The following GOT2 variants were observed in gnomAD, a reference collection of about 807,000 sequenced individuals.
The protein encoded by GOT2 is aspartate aminotransferase, mitochondrial.
GOT2 carries 17 observed loss-of-function variants against 50.0 expected under a neutral mutation model. That is an observed-to-expected ratio of 0.34 (90% CI 0.23 to 0.51). The LOEUF is 0.51. Among genes scored for constraint, GOT2 ranks in the 20% least tolerant of loss-of-function variants. The pLI is 0.97. For synonymous variants in GOT2, 172 were observed against 204.9 expected, an observed-to-expected ratio of 0.84 and a Z score of 1.37; for missense variants, 430 against 559.6, an observed-to-expected ratio of 0.77 and a Z score of 2.34.
At chr16:58,727,149 G>A (rs1475914783) in intron 1 of GOT2, among the ~76,000 whole-genome samples, 1 of 152,162 alleles carries the variant, frequency 6.6e-6, no homozygotes, top group African/African-American at 2.4e-5. Context: ...GCAAGACTCC[G>A]TCTCAATAAA....
At position 58,708,220 on chromosome 16, in the gene GOT2, G is replaced by C. The variant is rs1054302871; in HGVS notation, c.1244C>G (p.Ser415Cys). The C allele has an allele frequency of 2.9e-5, 47 of 1,614,024 alleles. No homozygotes were observed. Among genetic ancestry groups the C allele is most frequent in the Non-Finnish European group, 3.8e-5 (45 of 1,180,016 alleles). ...DGRISVAGVT[S>C]SNVGYLAHAI... ...ATGGGCAAGGTAGCCCACGTTGCTG[G>C]AGGTGACCCCTGCCACAGAGATGCG... The change falls in exon 10 of 10, where the codon TCC becomes TGC. Residue 415 changes from serine to cysteine, a missense_variant. Physicochemically the swap from Ser to Cys is moderately radical, Grantham distance 112. Coordinates refer to ENST00000245206, the MANE Select transcript of GOT2 (RefSeq NM_002080.4).
At chr16:58,716,301 T>C (rs549547844) in intron 7 of GOT2, 122 bp from the exon 8 acceptor site, 3 of 995,266 alleles carry the variant, frequency 3.0e-6, no homozygotes, top group East Asian at 5.2e-5. Context: ...AACTTTATTA[T>C]AAATAAAAAG....
chr16:58,730,293 T>C (rs1309013049), intron 1 of GOT2, among the ~76,000 whole-genome samples: 1 of 152,148 alleles, frequency 6.6e-6, no homozygotes, highest in Non-Finnish European at 1.5e-5. Context: ...GTAATAAGCA[T>C]AGTACCTGAC....
chr16:58,728,715 G>A (rs755020970), intron 1 of GOT2, among the ~76,000 whole-genome samples: 4 of 151,952 alleles, frequency 2.6e-5, no homozygotes, highest in Non-Finnish European at 5.9e-5. Context: ...GAGTCTCACT[G>A]GGTTGCCCAG....
chr16:58,724,335 T>G (rs1166735844), intron 1 of GOT2, among the ~76,000 whole-genome samples: 1 of 151,744 alleles, frequency 6.6e-6, no homozygotes, highest in African/African-American at 2.4e-5. Flanking sequence ...CAGGCTGAAG[T>G]ACAGTGGTGC....
chr16:58,732,751 T>C (rs532168184), intron 1 of GOT2, among the ~76,000 whole-genome samples: 120 of 152,368 alleles, frequency 7.9e-4, no homozygotes, highest in Non-Finnish European at 1.4e-3. Context: ...TCAGGTGATC[T>C]AGCCAAATCC....
intron 1 of GOT2, among the ~76,000 whole-genome samples, chr16:58,724,781 T>A (rs1033500255): frequency 3.9e-5 from 6 of 152,184 alleles, no homozygotes; most frequent in Non-Finnish European, 2.9e-5. Context: ...CCTCAGGTGA[T>A]CTGCTCGCCT....
At chr16:58,732,689 T>G (rs985183566) in intron 1 of GOT2, among the ~76,000 whole-genome samples, 3 of 152,160 alleles carry the variant, frequency 2.0e-5, no homozygotes, top group African/African-American at 7.2e-5. Context: ...ACTCTCAAAC[T>G]GAAAGAATGA....
intron 1 of GOT2, among the ~76,000 whole-genome samples, chr16:58,733,529 C>T (rs1169865560): frequency 3.9e-5 from 6 of 152,174 alleles, no homozygotes; most frequent in Non-Finnish European, 8.8e-5. Context: ...GACCCTTTCC[C>T]AAGCAAAGGC....
chr16:58,716,076 A>T lies in GOT2; in HGVS notation c.957T>A (p.Pro319=). ...CAGCAATCCGGGCCCCATTGAGGGG[A>T]GGGTTGGAATACATGGGACGGATCA... ...KILIRPMYSN[P]PLNGARIAAA... Residue 319 remains proline, a synonymous_variant, in exon 8 of 10, where the codon CCT becomes CCA. Coordinates refer to ENST00000245206, the MANE Select transcript of GOT2 (RefSeq NM_002080.4). 6.2e-7 allele frequency: 1 copy of T among 1,613,584 alleles called. No homozygotes were observed. Among genetic ancestry groups the T allele is most frequent in the Non-Finnish European group, 8.5e-7 (1 of 1,179,790 alleles).
chr16:58,712,095 A>G (rs2044653449), intron 8 of GOT2, among the ~76,000 whole-genome samples: 1 of 152,026 alleles, frequency 6.6e-6, no homozygotes, highest in Non-Finnish European at 1.5e-5. Context: ...CAAAAAAAAA[A>G]GCCCTTTCCC....
chr16:58,723,910 G>A lies in GOT2; in HGVS notation c.90-8C>T, dbSNP rs561881853. On this transcript the variant is annotated splice_region_variant and splice_polypyrimidine_tract_variant and intron_variant, in intron 1 of 9. Coordinates refer to ENST00000245206, the MANE Select transcript of GOT2 (RefSeq NM_002080.4). ...ACATGGGTCCACCAGGAGCTGAAAT[G>A]AGAAACACATTAGCTCAATCCCATT... 8 of 1,611,614 alleles carry A rather than the reference G, an allele frequency of 5.0e-6. No homozygotes were observed. In the South Asian group the frequency reaches 8.8e-5, roughly 18 times the overall value.
chr16:58,734,290 C>T lies in GOT2; in HGVS notation c.-62G>A. The T allele has an allele frequency of 1.1e-6, 1 of 896,592 alleles. No homozygotes were observed. The highest frequency in any genetic ancestry group is 1.5e-6 in the Non-Finnish European group (1 of 668,786). 55.5% of individuals were successfully genotyped at this position (896,592 alleles called of 1,614,324 possible). A position where few individuals can be genotyped will look rare whatever the true frequency, so the allele number is the denominator to read the frequency against. On this transcript the variant is annotated 5_prime_UTR_variant, in exon 1 of 10. It adds an upstream start codon to the 5' untranslated region. Transcript: ENST00000245206. ...GGAGCAGAGGGCGAGCGGACACACACACAGGGAACCGGCTCCTGCTGAAGG... is the reference window on the plus strand; with the variant it reads ...GGAGCAGAGGGCGAGCGGACACACATACAGGGAACCGGCTCCTGCTGAAGG...
intron 1 of GOT2, among the ~76,000 whole-genome samples, chr16:58,725,175 C>T (rs924909977): frequency 2.1e-4 from 31 of 150,064 alleles, no homozygotes; most frequent in Non-Finnish European, 3.2e-4. Flanking sequence ...AGTGTAGTGG[C>T]GTGATCTTGG....
chr16:58,723,692 G>A (rs2044758320), intron 2 of GOT2, 54 bp downstream of exon 2: 1 of 1,460,164 alleles, frequency 6.8e-7, no homozygotes, highest in African/African-American at 1.4e-5. Flanking sequence ...CCACTCTCCA[G>A]GGCTCTCTTC....
In GOT2 at chr16:58,729,933, T is replaced by A. The variant is rs1056691397; in HGVS notation, c.89+4207A>T. Among the ~76,000 whole-genome samples the A allele has an allele frequency of 9.2e-5, 14 of 152,232 alleles. 1 individual carries two copies. Among genetic ancestry groups the A allele is most frequent in the Admixed American group, 3.3e-4 (5 of 15,284 alleles). ...GGATACTCAATTTTTTTTTTAAAAATGTAATAAATTATGTTCATTTTACAA... is the reference window on the plus strand; with the variant it reads ...GGATACTCAATTTTTTTTTTAAAAAAGTAATAAATTATGTTCATTTTACAA... On this transcript the variant is annotated intron_variant, in intron 1 of 9. Coordinates refer to ENST00000245206, the MANE Select transcript of GOT2 (RefSeq NM_002080.4).
chr16:58,731,914 T>A (rs1337787535), intron 1 of GOT2, among the ~76,000 whole-genome samples: 3 of 152,234 alleles, frequency 2.0e-5, no homozygotes, highest in Non-Finnish European at 4.4e-5. Flanking sequence ...AGGAGGGAAG[T>A]CTGATCTTGC....
At position 58,719,625 on chromosome 16, in the gene GOT2, C is replaced by T. The variant is rs375729422; in HGVS notation, c.376-370G>A. 3.7e-4 allele frequency among the ~76,000 whole-genome samples: 57 copies of T among 152,080 alleles called. No individual in the cohort carries two copies. In the South Asian group the frequency reaches 0.012, roughly 31 times the overall value. On this transcript the variant is annotated intron_variant, in intron 3 of 9. Transcript: ENST00000245206. ...CAAAAATTAGCTGGGCATGGTGGCG[C>T]ATGCCTGTAATCCCAGCTACTGGAA...
chr16:58,719,058 T>C (rs2044719033), intron 4 of GOT2, 138 bp downstream of exon 4: 3 of 682,426 alleles, frequency 4.4e-6, no homozygotes, highest in Non-Finnish European at 7.8e-6. Flanking sequence ...TCCTTTCATT[T>C]TTTCATGAGA....
Sources: gnomAD v4.1 joint callset for allele counts (sites outside exome capture counted in the v4.1 genomes callset) on GRCh38, gnomAD v4.1.1 for gene constraint, MANE v1.5 for transcripts, NCBI Gene and HGNC (gene_info 2026-07-23, HGNC 2026-07-21) for gene names.